Variants in C12orf75 observed in about 807,000 individuals in gnomAD.
The protein encoded by C12orf75 is chromosome 12 open reading frame 75.
A neutral mutation model predicts 11.4 loss-of-function variants in C12orf75; 4 were observed. The ratio of observed to expected loss-of-function variants is 0.35; its 90% confidence interval spans 0.17 to 0.80. The LOEUF is 0.80. C12orf75 is among the 30% of genes least tolerant of loss of function. The pLI is 0.52. For synonymous variants in C12orf75, 30 were observed against 30.0 expected, an observed-to-expected ratio of 1.00 and a Z score of 0.00; for missense variants, 89 against 80.4, an observed-to-expected ratio of 1.11 and a Z score of -0.41.
At chr12:105,345,176 C>T (rs953874735) in intron 1 of C12orf75, among the ~76,000 whole-genome samples, 1 of 152,098 alleles carries the variant, frequency 6.6e-6, no homozygotes, top group African/African-American at 2.4e-5. Flanking sequence ...CAGTAAGATA[C>T]CAACATGACA....
chr12:105,364,837 C>CTTTTT (rs71440583), intron 2 of C12orf75, among the ~76,000 whole-genome samples: 6 of 125,698 alleles, frequency 4.8e-5, no homozygotes, highest in Non-Finnish European at 8.4e-5. Flanking sequence ...ATATGGACTC[C>CTTTTT]TTTTTTTTTT....
intron 1 of C12orf75, among the ~76,000 whole-genome samples, chr12:105,339,874 C>T (rs1182811144): frequency 6.6e-6 from 1 of 152,018 alleles, no homozygotes; most frequent in Non-Finnish European, 1.5e-5. Context: ...CCCACCTCAG[C>T]CTCCCAAAAT....
At chr12:105,353,528 G>A (rs1892740056) in intron 2 of C12orf75, 1 of 152,278 alleles carries the variant, frequency 6.6e-6, no homozygotes, top group East Asian at 1.9e-4. Context: ...AAGAGCAGAA[G>A]AGGGGTGATT....
chr12:105,343,569 A>G (rs1024593620), intron 1 of C12orf75, among the ~76,000 whole-genome samples: 4 of 152,242 alleles, frequency 2.6e-5, no homozygotes, highest in African/African-American at 9.6e-5. Flanking sequence ...ATATATAAGC[A>G]AAGTGTAATT....
intron 1 of C12orf75, among the ~76,000 whole-genome samples, chr12:105,343,907 C>T (rs544283661): frequency 2.3e-4 from 35 of 152,288 alleles, no homozygotes; most frequent in African/African-American, 7.7e-4. Flanking sequence ...TTTCTGACTT[C>T]TTTGCCCCAC....
chr12:105,353,574 A>C (rs1892740833), intron 2 of C12orf75: 1 of 152,244 alleles, frequency 6.6e-6, no homozygotes, highest in Admixed American at 6.5e-5. Context: ...TACCAAAAAA[A>C]AGGGGAGAAA....
intron 1 of C12orf75, among the ~76,000 whole-genome samples, chr12:105,336,973 G>A (rs1272513772): frequency 6.6e-6 from 1 of 152,156 alleles, no homozygotes; most frequent in South Asian, 2.1e-4. Flanking sequence ...CAAAGCGAGT[G>A]ATTGATTTCT....
intron 5 of C12orf75, among the ~76,000 whole-genome samples, chr12:105,369,248 A>C (rs891390496): frequency 2.7e-5 from 4 of 148,458 alleles, no homozygotes; most frequent in Non-Finnish European, 6.0e-5. Flanking sequence ...GGTGGATCTG[A>C]AGTTTGCCAC....
intron 2 of C12orf75, among the ~76,000 whole-genome samples, chr12:105,361,473 GT>G (rs1366675090): frequency 6.6e-6 from 1 of 152,128 alleles, no homozygotes; most frequent in Non-Finnish European, 1.5e-5. Flanking sequence ...TAACATCCCA[GT>G]TTTGAACAGC....
chr12:105,353,246 C>T lies in C12orf75; in HGVS notation c.71+4620C>T, dbSNP rs115640047. 4.8e-3 allele frequency among the ~76,000 whole-genome samples: 736 copies of T among 152,332 alleles called. 14 individuals are homozygous for T. Among genetic ancestry groups the T allele is most frequent in the African/African-American group, 0.017 (687 of 41,576 alleles). ...AAATTCTCTTCTCTGCTTTCGTCTT[C>T]ATTCTTAGGCAGCTTTCCTCAAGTG... is the stretch of plus-strand genomic sequence containing the variant. On this transcript the variant is annotated intron_variant, in intron 2 of 5. Transcript: ENST00000443585.
chr12:105,357,990 G>A (rs1892809967), intron 2 of C12orf75, among the ~76,000 whole-genome samples: 1 of 152,066 alleles, frequency 6.6e-6, no homozygotes, highest in South Asian at 2.1e-4. Context: ...GACTACAGGT[G>A]CAAGCCAGCA....
intron 1 of C12orf75, among the ~76,000 whole-genome samples, chr12:105,346,363 A>G (rs960782387): frequency 2.0e-5 from 3 of 152,180 alleles, no homozygotes; most frequent in African/African-American, 7.2e-5. Flanking sequence ...ATTGAGACCT[A>G]TCTCAATACT....
chr12:105,331,930 T>G (rs2136138118), intron 1 of C12orf75, among the ~76,000 whole-genome samples: 1 of 152,342 alleles, frequency 6.6e-6, no homozygotes, highest in East Asian at 1.9e-4. Context: ...TAGGCGGCTG[T>G]GGAGGCCCTG....
chr12:105,336,241 G>A (rs1892497922), intron 1 of C12orf75, among the ~76,000 whole-genome samples: 1 of 152,216 alleles, frequency 6.6e-6, no homozygotes, highest in African/African-American at 2.4e-5. Context: ...GTTAGGATAC[G>A]GGACGAGGAG....
At chr12:105,335,583 C>G (rs946022809) in intron 1 of C12orf75, among the ~76,000 whole-genome samples, 1 of 152,124 alleles carries the variant, frequency 6.6e-6, no homozygotes, top group African/African-American at 2.4e-5. Flanking sequence ...CCTTTCCCCT[C>G]CCCCAAATGG....
At chr12:105,346,883 T>G (rs1892648140) in intron 1 of C12orf75, among the ~76,000 whole-genome samples, 1 of 152,262 alleles carries the variant, frequency 6.6e-6, no homozygotes, top group Non-Finnish European at 1.5e-5. Flanking sequence ...TAATTTCTAT[T>G]TAATATATAT....
At chr12:105,352,195 A>G (rs1408103501) in intron 2 of C12orf75, among the ~76,000 whole-genome samples, 1 of 152,206 alleles carries the variant, frequency 6.6e-6, no homozygotes, top group Non-Finnish European at 1.5e-5. Flanking sequence ...GGGGGGCTGA[A>G]GGAGGAAGAG....
chr12:105,333,097 C>G lies in C12orf75; in HGVS notation c.46+2160C>G, dbSNP rs117575509. ...ATATTGAGTGCAGATTCAAAACATG[C>G]AGGAGACAACATGATGAGCAGGGAG... On this transcript the variant is annotated intron_variant, in intron 1 of 5. Coordinates refer to ENST00000443585, the MANE Select transcript of C12orf75 (RefSeq NM_001145199.2). 3.8e-3 allele frequency among the ~76,000 whole-genome samples: 575 copies of G among 152,246 alleles called. 1 individual carries two copies. The highest frequency in any genetic ancestry group is 5.9e-3 in the Admixed American group (90 of 15,296).
chr12:105,358,277 A>G (rs377388235), intron 2 of C12orf75, among the ~76,000 whole-genome samples: 4 of 152,288 alleles, frequency 2.6e-5, no homozygotes, highest in African/African-American at 9.6e-5. Context: ...GCCACTCAGG[A>G]GGCTAAGGTG....
Sources: gnomAD v4.1 joint callset for allele counts (sites outside exome capture counted in the v4.1 genomes callset) on GRCh38, gnomAD v4.1.1 for gene constraint, MANE v1.5 for transcripts, NCBI Gene and HGNC (gene_info 2026-07-23, HGNC 2026-07-21) for gene names.